GMDS: variants seen among roughly 807,000 people sequenced by gnomAD.
The protein encoded by GMDS is GDP-mannose 4,6 dehydratase.
In GMDS, 20 loss-of-function variants were observed where a neutral mutation model predicts 49.9. The observed-to-expected ratio is 0.40, with a 90% CI of 0.28 to 0.58. The LOEUF (loss-of-function observed/expected upper bound fraction) is 0.58. Ranked by LOEUF, GMDS falls within the 20% of genes least tolerant of loss-of-function variation. The probability of loss-of-function intolerance (pLI) is 0.42; values close to 1 mark genes in which losing one functional copy is unlikely to be tolerated. For missense variants in GMDS, 362 were observed against 481.4 expected (o/e 0.75, Z 2.32); for synonymous variants, 177 against 178.6 (o/e 0.99, Z 0.07).
chr6:1,659,121 G>C (rs1005830144), intron 9 of GMDS, among the ~76,000 whole-genome samples: 2 of 152,090 alleles, frequency 1.3e-5, no homozygotes, highest in Non-Finnish European at 2.9e-5. Flanking sequence ...CATGAACCAT[G>C]GGCCTCTGTG....
chr6:2,087,240 G>A (rs991735388), intron 4 of GMDS, among the ~76,000 whole-genome samples: 4 of 152,152 alleles, frequency 2.6e-5, no homozygotes, highest in Non-Finnish European at 4.4e-5. Flanking sequence ...TGATTAGATG[G>A]ACACTTAGTA....
intron 1 of GMDS, among the ~76,000 whole-genome samples, chr6:2,198,281 A>C (rs1240964288): frequency 1.3e-5 from 2 of 152,208 alleles, no homozygotes; most frequent in East Asian, 3.9e-4. Context: ...ATACAGATAC[A>C]TGTAATTCCT....
chr6:1,697,958 C>T (rs1328439110), intron 9 of GMDS, among the ~76,000 whole-genome samples: 1 of 152,210 alleles, frequency 6.6e-6, no homozygotes, highest in Non-Finnish European at 1.5e-5. Context: ...GTTAAAGTAT[C>T]TCCGTAAAGT....
intron 4 of GMDS, among the ~76,000 whole-genome samples, chr6:1,972,409 A>G (rs538623007): frequency 4.9e-4 from 75 of 152,180 alleles, no homozygotes; most frequent in African/African-American, 1.8e-3. Flanking sequence ...TGATTTCTGT[A>G]TAAGAAAATG....
At position 1,824,164 on chromosome 6, in the gene GMDS, G is replaced by T. The variant is rs75233405; in HGVS notation, c.772-81578C>A. Among the ~76,000 whole-genome samples the T allele has an allele frequency of 1.4e-3, 207 of 152,166 alleles. 3 individuals carry two copies. The highest frequency in any genetic ancestry group is 1.8e-3 in the Non-Finnish European group (122 of 68,006). On this transcript the variant is annotated intron_variant, in intron 7 of 10. Transcript: ENST00000380815. ...GTTTCCACCACCATCCCTTTAGCCC[G>T]GGACCCTTGAAGTATACTATGTGAT...
At chr6:2,181,922 G>A (rs1435395238) in intron 1 of GMDS, among the ~76,000 whole-genome samples, 1 of 152,226 alleles carries the variant, frequency 6.6e-6, no homozygotes, top group Non-Finnish European at 1.5e-5. Flanking sequence ...AAATGATTAA[G>A]CTTAGGGAGA....
At chr6:2,067,296 C>T (rs1581601595) in intron 4 of GMDS, among the ~76,000 whole-genome samples, 2 of 152,004 alleles carry the variant, frequency 1.3e-5, no homozygotes, top group Admixed American at 6.6e-5. Context: ...GCACTAAATG[C>T]CCACAAGAGA....
At chr6:1,760,655 CTTG>C (rs1768123143) in intron 7 of GMDS, among the ~76,000 whole-genome samples, 1 of 152,212 alleles carries the variant, frequency 6.6e-6, no homozygotes, top group South Asian at 2.1e-4. Flanking sequence ...TCCTATGCAA[CTTG>C]TTGGTTAAAA....
chr6:1,701,647 T>C (rs1449391679), intron 9 of GMDS, among the ~76,000 whole-genome samples: 1 of 152,160 alleles, frequency 6.6e-6, no homozygotes, highest in African/African-American at 2.4e-5. Flanking sequence ...AAACTAAAAA[T>C]AATTTATTAC....
chr6:1,939,991 T>C (rs1258828512), intron 6 of GMDS, among the ~76,000 whole-genome samples: 1 of 150,026 alleles, frequency 6.7e-6, no homozygotes, highest in Non-Finnish European at 1.5e-5. Context: ...AATTACTTCT[T>C]TTTGACACCC....
intron 7 of GMDS, among the ~76,000 whole-genome samples, chr6:1,872,841 C>T (rs1415752516): frequency 6.6e-6 from 1 of 152,246 alleles, no homozygotes; most frequent in Non-Finnish European, 1.5e-5. Flanking sequence ...GCAGCCTATT[C>T]TGTTACACTC....
At chr6:1,978,850 C>A (rs960876318) in intron 4 of GMDS, among the ~76,000 whole-genome samples, 2 of 152,162 alleles carry the variant, frequency 1.3e-5, no homozygotes, top group Admixed American at 1.3e-4. Flanking sequence ...TGCGTTCAGG[C>A]CAGCAATAGG....
chr6:1,925,930 C>G (rs532268139), intron 7 of GMDS, among the ~76,000 whole-genome samples: 7 of 152,288 alleles, frequency 4.6e-5, no homozygotes, highest in African/African-American at 1.7e-4. Flanking sequence ...ACACCAGCAG[C>G]TGGATATTGA....
intron 9 of GMDS, among the ~76,000 whole-genome samples, chr6:1,685,189 G>C (rs534215880): frequency 2.7e-4 from 41 of 150,580 alleles, no homozygotes; most frequent in African/African-American, 8.3e-4. Flanking sequence ...TTGAGGTCAA[G>C]AGTTCGAGAT....
Position 1,834,871 on chromosome 6 carries a change from A to G in GMDS, c.772-92285T>C, listed in dbSNP as rs191827309. Among the ~76,000 whole-genome samples the G allele has an allele frequency of 6.5e-4, 98 of 151,750 alleles. 1 individual carries two copies. The highest frequency in any genetic ancestry group is 1.0e-3 in the Non-Finnish European group (69 of 67,878). ...AGGCAACCACAGGAACAGTTTTATTACCCCCATCCACCTTTTTATACTACT... is the reference window on the plus strand; with the variant it reads ...AGGCAACCACAGGAACAGTTTTATTGCCCCCATCCACCTTTTTATACTACT... On this transcript the variant is annotated intron_variant, in intron 7 of 10. Coordinates refer to ENST00000380815, the MANE Select transcript of GMDS (RefSeq NM_001500.4).
At chr6:1,905,638 TGGGG>T (rs1760727414) in intron 7 of GMDS, among the ~76,000 whole-genome samples, 1 of 134,550 alleles carries the variant, frequency 7.4e-6, no homozygotes, top group Non-Finnish European at 1.6e-5. Context: ...CATCTGCATG[TGGGG>T]CCAGCACATA....
intron 7 of GMDS, among the ~76,000 whole-genome samples, chr6:1,790,764 C>T (rs1769509350): frequency 6.6e-6 from 1 of 152,172 alleles, no homozygotes; most frequent in Middle Eastern, 3.2e-3. Context: ...TCATTGACAA[C>T]AATCGTGATA....
intron 1 of GMDS, among the ~76,000 whole-genome samples, chr6:2,238,433 A>T (rs987628205): frequency 2.0e-5 from 3 of 152,104 alleles, no homozygotes; most frequent in African/African-American, 7.2e-5. Context: ...TTCTGGCCAT[A>T]CTATTACCAT....
chr6:1,740,217 TAATG>T (rs1767212848), intron 8 of GMDS, among the ~76,000 whole-genome samples: 1 of 152,148 alleles, frequency 6.6e-6, no homozygotes, highest in African/African-American at 2.4e-5. Flanking sequence ...AAAAAGTAAT[TAATG>T]AGAGTGGCAG....
Sources: allele counts gnomAD v4.1 joint callset (sites outside exome capture counted in the v4.1 genomes callset), GRCh38; gene constraint gnomAD v4.1.1; transcripts MANE v1.5; gene names NCBI Gene and HGNC (gene_info 2026-07-23, HGNC 2026-07-21).